RAD51C: variants seen among roughly 807,000 people sequenced by gnomAD.
RAD51C encodes the protein RAD51 paralog C.
Under a neutral mutation model 45.0 loss-of-function variants are expected in RAD51C, and 42 were observed. The ratio of observed to expected loss-of-function variants is 0.93; its 90% CI spans 0.73 to 1.21. The LOEUF (loss-of-function observed/expected upper bound fraction) is 1.21. Among genes scored for constraint, RAD51C ranks in the 50% most tolerant of loss-of-function variants. The probability of loss-of-function intolerance (pLI) is 0.00; values close to 1 mark genes in which losing one functional copy is unlikely to be tolerated. For missense variants in RAD51C, 474 were observed against 452.2 expected (o/e 1.05, Z -0.44); for synonymous variants, 172 against 159.8 (o/e 1.08, Z -0.58).
Position 58,709,839 on chromosome 17 carries a change from A to G in RAD51C, c.706-20A>G, listed in dbSNP as rs374890526. The G allele has an allele frequency of 3.8e-6, 6 of 1,591,694 alleles. No individual in the cohort carries two copies. The African/African-American group carries it at 6.7e-5, about 18-fold the overall frequency. Reference sequence around the variant, plus strand: ...TTTTATTTTTCGTAACAAATCTAATATTATCTCTTCTGTATTTAGGTTCGA... The same window carrying G: ...TTTTATTTTTCGTAACAAATCTAATGTTATCTCTTCTGTATTTAGGTTCGA... On this transcript the variant is annotated intron_variant, in intron 4 of 8. Coordinates refer to ENST00000337432, the MANE Select transcript of RAD51C (RefSeq NM_058216.3).
At chr17:58,714,990 G>A (rs1463298896) in intron 5 of RAD51C, among the ~76,000 whole-genome samples, 1 of 151,954 alleles carries the variant, frequency 6.6e-6, no homozygotes, top group Non-Finnish European at 1.5e-5. Context: ...ACCTCACAGT[G>A]AATTTCAGAA....
At chr17:58,718,265 T>C (rs1204626638) in intron 5 of RAD51C, among the ~76,000 whole-genome samples, 1 of 152,162 alleles carries the variant, frequency 6.6e-6, no homozygotes, top group Non-Finnish European at 1.5e-5. Flanking sequence ...CCCAAAGTGC[T>C]GGGATTATAG....
chr17:58,717,362 C>T (rs190781512), intron 5 of RAD51C, among the ~76,000 whole-genome samples: 2 of 152,216 alleles, frequency 1.3e-5, no homozygotes, highest in East Asian at 1.9e-4. Flanking sequence ...TCCACAACTT[C>T]AAGGCTGCAG....
At chr17:58,694,891 C>T (rs775003970) in intron 1 of RAD51C, 40 bp from the exon 2 acceptor site, 1 of 1,510,786 alleles carries the variant, frequency 6.6e-7, no homozygotes, top group Middle Eastern at 1.8e-4. Context: ...ACTTTTAAAT[C>T]TCTAAAATTA....
At chr17:58,703,447 T>C in intron 4 of RAD51C, 118 bp downstream of exon 4, 1 of 1,102,170 alleles carries the variant, frequency 9.1e-7, no homozygotes, top group Admixed American at 2.1e-5. Flanking sequence ...TGAGAAAATC[T>C]CTTCCTTCCT....
intron 4 of RAD51C, among the ~76,000 whole-genome samples, chr17:58,709,075 T>G (rs1043659786): frequency 6.7e-6 from 1 of 150,166 alleles, no homozygotes; most frequent in African/African-American, 2.5e-5. Context: ...TAATTATTCC[T>G]TTTTCTTTTT....
chr17:58,705,649 C>T lies in RAD51C; in HGVS notation c.705+2320C>T, dbSNP rs149313695. ...GCCTGACCCCTAATATTTCTTCTTACAAGGACGCTAATCATCTTAGATTAG... is the reference window on the plus strand; with the variant it reads ...GCCTGACCCCTAATATTTCTTCTTATAAGGACGCTAATCATCTTAGATTAG... On this transcript the variant is annotated intron_variant, in intron 4 of 8. Coordinates refer to ENST00000337432, the MANE Select transcript of RAD51C (RefSeq NM_058216.3). Among the ~76,000 whole-genome samples the T allele has an allele frequency of 7.0e-3, 1,058 of 152,148 alleles. 3 individuals are homozygous for T. The highest frequency in any genetic ancestry group is 0.02 in the Middle Eastern group (6 of 294).
chr17:58,698,786 G>C (rs962946233), intron 3 of RAD51C, among the ~76,000 whole-genome samples: 1 of 151,120 alleles, frequency 6.6e-6, no homozygotes, highest in African/African-American at 2.4e-5. Context: ...GCCGAGCATG[G>C]TGGCAGGTAC....
chr17:58,700,185 A>C (rs1445062156), intron 3 of RAD51C: 1 of 152,122 alleles, frequency 6.6e-6, no homozygotes, highest in Non-Finnish European at 1.5e-5. Flanking sequence ...TTGAGTTACT[A>C]ATCTCTGGAC....
intron 7 of RAD51C, among the ~76,000 whole-genome samples, chr17:58,727,215 C>T (rs1466231599): frequency 2.0e-5 from 3 of 151,068 alleles, no homozygotes; most frequent in African/African-American, 7.3e-5. Context: ...ACCTCCACTT[C>T]CTGGGGTCAA....
chr17:58,705,779 T>C (rs1258146010), intron 4 of RAD51C: 2 of 152,086 alleles, frequency 1.3e-5, no homozygotes, highest in African/African-American at 4.8e-5. Flanking sequence ...TAAGGGGACA[T>C]AATTGAGTTC....
At position 58,734,366 on chromosome 17, in the gene RAD51C, A is replaced by C; in HGVS notation, c.*144A>C. ...TATGAAGTGAATGGGAAAAATACCT[A>C]AATATGATTCTGTGAAAGTTTTTCT... On this transcript the variant is annotated 3_prime_UTR_variant, in exon 9 of 9. Coordinates refer to ENST00000337432, the MANE Select transcript of RAD51C (RefSeq NM_058216.3). The C allele has an allele frequency of 7.2e-7, 1 of 1,389,696 alleles. No individual in the cohort carries two copies. Among genetic ancestry groups the C allele is most frequent in the Non-Finnish European group, 9.7e-7 (1 of 1,031,550 alleles). 86.1% of individuals were successfully genotyped at this position (1,389,696 alleles called of 1,614,324 possible). A position where few individuals can be genotyped will look rare whatever the true frequency, so the allele number is the denominator to read the frequency against.
intron 7 of RAD51C, among the ~76,000 whole-genome samples, chr17:58,730,867 C>CCAA (rs1296278143): frequency 1.3e-5 from 2 of 152,050 alleles, no homozygotes; most frequent in Non-Finnish European, 2.9e-5. Flanking sequence ...TATTGTGCAG[C>CCAA]CATCATCATC....
At position 58,718,597 on chromosome 17, in the gene RAD51C, A is replaced by C. The variant is rs2048817053; in HGVS notation, c.838-2149A>C. Among the ~76,000 whole-genome samples, 4 of 152,214 alleles carry C rather than the reference A, an allele frequency of 2.6e-5. No individual in the cohort carries two copies. In the South Asian group the frequency reaches 8.3e-4, roughly 32 times the overall value. On this transcript the variant is annotated intron_variant, in intron 5 of 8. Transcript: ENST00000337432. ...TTTGTAGGTCAGTATTTATACAAAG[A>C]GAATTAGCAATATGAAACCTTGAGG...
chr17:58,705,204 C>G (rs1330231659), intron 4 of RAD51C, among the ~76,000 whole-genome samples: 1 of 151,986 alleles, frequency 6.6e-6, no homozygotes, highest in Non-Finnish European at 1.5e-5. Context: ...CCTAAAAGTT[C>G]AAGATCAAAG....
At chr17:58,714,470 T>C (rs1186825757) in intron 5 of RAD51C, among the ~76,000 whole-genome samples, 1 of 152,200 alleles carries the variant, frequency 6.6e-6, no homozygotes, top group Non-Finnish European at 1.5e-5. Flanking sequence ...TATTTATTTA[T>C]ATCTTTGAGA....
At chr17:58,708,933 G>T (rs577664218) in intron 4 of RAD51C, among the ~76,000 whole-genome samples, 7 of 151,550 alleles carry the variant, frequency 4.6e-5, no homozygotes, top group Non-Finnish European at 1.0e-4. Context: ...AGGTAAAATT[G>T]GTATATTTAA....
At chr17:58,716,912 T>A (rs2048758943) in intron 5 of RAD51C, among the ~76,000 whole-genome samples, 1 of 151,910 alleles carries the variant, frequency 6.6e-6, no homozygotes, top group Non-Finnish European at 1.5e-5. Flanking sequence ...ACCATTCTCC[T>A]GCCTCAGCCT....
chr17:58,702,629 G>A (rs1007700271), intron 3 of RAD51C, among the ~76,000 whole-genome samples: 1 of 151,766 alleles, frequency 6.6e-6, no homozygotes, highest in African/African-American at 2.4e-5. Flanking sequence ...GGAGGCAGAG[G>A]TTGCAGTGTG....
Sources: gnomAD v4.1 joint callset for allele counts (sites outside exome capture counted in the v4.1 genomes callset) on GRCh38, gnomAD v4.1.1 for gene constraint, MANE v1.5 for transcripts, NCBI Gene and HGNC (gene_info 2026-07-23, HGNC 2026-07-21) for gene names.